ENO4: variants seen among roughly 807,000 people sequenced by gnomAD.
The protein encoded by ENO4 is enolase 4.
In ENO4, 53 loss-of-function variants were observed where a neutral mutation model predicts 63.2. That is an observed-to-expected ratio of 0.84 (90% CI 0.67 to 1.05). The LOEUF (loss-of-function observed/expected upper bound fraction) is 1.05. Among genes scored for constraint, ENO4 ranks in the 50% least tolerant of loss-of-function variants. The pLI, the probability that ENO4 is intolerant of heterozygous loss-of-function variation, is 0.00. For synonymous variants in ENO4, 266 were observed against 283.8 expected (o/e 0.94, Z 0.63); for missense variants, 719 against 772.0 (o/e 0.93, Z 0.81).
chr10:116,874,924 T>G (rs903561739), intron 10 of ENO4, among the ~76,000 whole-genome samples: 1 of 152,124 alleles, frequency 6.6e-6, no homozygotes, highest in African/African-American at 2.4e-5. Context: ...TCCGCCCACC[T>G]TGGCCTCCCA....
intron 10 of ENO4, among the ~76,000 whole-genome samples, chr10:116,893,971 T>G (rs1395914103): frequency 1.3e-5 from 2 of 152,222 alleles, no homozygotes; most frequent in Non-Finnish European, 2.9e-5. Flanking sequence ...ACTTTCCTAT[T>G]TCATTTTTCT....
At chr10:116,874,987 T>C (rs1329812119) in intron 10 of ENO4, among the ~76,000 whole-genome samples, 1 of 152,146 alleles carries the variant, frequency 6.6e-6, no homozygotes, top group African/African-American at 2.4e-5. Flanking sequence ...AAAGCCATAT[T>C]TTTAAAGGGT....
intron 10 of ENO4, among the ~76,000 whole-genome samples, chr10:116,904,967 C>T (rs985622977): frequency 2.0e-5 from 3 of 150,856 alleles, no homozygotes; most frequent in Admixed American, 6.6e-5. Flanking sequence ...TTTGGGAGGC[C>T]GAGGCGGGTG....
chr10:116,876,036 T>G (rs1164638264), intron 10 of ENO4, 29 bp from the exon 11 acceptor site: 5 of 1,460,748 alleles, frequency 3.4e-6, no homozygotes, highest in Non-Finnish European at 4.6e-6. Flanking sequence ...CAATGCATTA[T>G]AATGATCAAC....
At chr10:116,888,448 G>C (rs1245644123) in intron 10 of ENO4, among the ~76,000 whole-genome samples, 1 of 152,210 alleles carries the variant, frequency 6.6e-6, no homozygotes, top group Non-Finnish European at 1.5e-5. Context: ...TAAATCTGCT[G>C]CTTCTGCGTC....
downstream of ENO4, chr10:116,885,483 G>C (rs967266418): frequency 6.6e-6 from 1 of 152,110 alleles, no homozygotes; most frequent in Non-Finnish European, 1.5e-5. Context: ...GTGTAATATA[G>C]AACAGCAGTG....
intron 11 of ENO4, among the ~76,000 whole-genome samples, chr10:116,876,609 A>G (rs1486572854): frequency 3.3e-5 from 5 of 152,244 alleles, no homozygotes; most frequent in Non-Finnish European, 7.3e-5. Flanking sequence ...CAGCACATTT[A>G]TCAATTTGCT....
chr10:116,907,163 G>T (rs896857835), intron 10 of ENO4, among the ~76,000 whole-genome samples: 2 of 152,124 alleles, frequency 1.3e-5, no homozygotes, highest in Admixed American at 6.5e-5. Flanking sequence ...AAGTCACAGC[G>T]GCACTGAAAA....
rs1292648059 is a variant in ENO4, at chr10:116,876,123, C to T, written c.1400C>T (p.Ala467Val). ...CTTGGTTCCAGGTGTTACATAATTG[C>T]AGGAACTGCTTCCAAAAGCATTTCT... The part of the protein sequence containing the change: ...HALGSRCYII[A>V]GTASKSISKL... Residue 467 changes from alanine (A) to valine (V), a missense_variant, in exon 11 of 14, where the codon GCA (alanine) becomes GTA (valine). Physicochemically the swap from Ala to Val is moderately conservative, Grantham distance 64. This residue lies in a region of ENO4 where 544 missense variants were observed against 583.6 expected (regional missense o/e 0.93). Coordinates refer to ENST00000341276, the MANE Select transcript of ENO4 (RefSeq NM_001242699.2). 4 of 1,550,756 alleles carry T rather than the reference C, an allele frequency of 2.6e-6. No individual in the cohort carries two copies. The highest frequency in any genetic ancestry group is 2.4e-5 in the East Asian group (1 of 40,928).
In ENO4 at chr10:116,849,499, G is replaced by A; in HGVS notation, c.-68G>A. On this transcript the variant is annotated 5_prime_UTR_variant, in exon 1 of 14. Transcript: ENST00000341276. ...CTGGGGGTCGGGATCACGTTGCGTT[G>A]CCTAGCGACAGCAGGGACGCTCGTG... is the stretch of plus-strand genomic sequence containing the variant. The A allele has an allele frequency of 7.0e-7, 1 of 1,431,366 alleles. No homozygotes were observed. Among genetic ancestry groups the A allele is most frequent in the South Asian group, 1.6e-5 (1 of 64,086 alleles). 88.7% of individuals were successfully genotyped at this position (1,431,366 alleles called of 1,614,324 possible).
chr10:116,872,107 G>T (rs1204333733), intron 9 of ENO4, among the ~76,000 whole-genome samples: 4 of 152,154 alleles, frequency 2.6e-5, no homozygotes, highest in Non-Finnish European at 1.5e-5. Flanking sequence ...TGAGGCAAAA[G>T]AATCGCTTGA....
intron 10 of ENO4, among the ~76,000 whole-genome samples, chr10:116,904,438 T>C (rs1390894030): frequency 7.3e-6 from 1 of 137,308 alleles, no homozygotes; most frequent in Non-Finnish European, 1.6e-5. Context: ...GTTTCCTTCC[T>C]TTTTTTTTTT....
At chr10:116,880,025 G>A (rs1417995605) in intron 13 of ENO4, 39 bp downstream of exon 13, 1 of 1,434,254 alleles carries the variant, frequency 7.0e-7, no homozygotes, top group Non-Finnish European at 9.6e-7. Flanking sequence ...ACTTAGCCAT[G>A]AATAAGAGAA....
chr10:116,901,967 A>G, intron 10 of ENO4: 2 of 1,578,758 alleles, frequency 1.3e-6, no homozygotes, highest in Non-Finnish European at 1.7e-6. Context: ...CCTTAAAACC[A>G]AACACATACC....
intron 8 of ENO4, among the ~76,000 whole-genome samples, chr10:116,869,412 G>A (rs964419509): frequency 1.2e-4 from 18 of 152,286 alleles, no homozygotes; most frequent in South Asian, 6.2e-4. Flanking sequence ...GTTTGTGAGC[G>A]AACAATCTTT....
chr10:116,884,248 C>T, downstream of ENO4: 1 of 458,804 alleles, frequency 2.2e-6, no homozygotes, highest in Non-Finnish European at 4.4e-6. Context: ...GGATCCCTTG[C>T]TTTGGTTGAC....
At chr10:116,906,672 T>C (rs1450408570) in intron 10 of ENO4, 2 of 1,613,526 alleles carry the variant, frequency 1.2e-6, no homozygotes, top group African/African-American at 1.3e-5. Flanking sequence ...CGCAAAATCC[T>C]TTCTAACTCA....
intron 9 of ENO4, chr10:116,873,817 G>T (rs1181957417): frequency 2.1e-6 from 2 of 970,412 alleles, no homozygotes; most frequent in Middle Eastern, 5.2e-4. Flanking sequence ...AATTCTTGGT[G>T]TTTTGTGTAG....
chr10:116,911,011 C>T (rs932386116), intron 10 of ENO4, among the ~76,000 whole-genome samples: 1 of 152,218 alleles, frequency 6.6e-6, no homozygotes, highest in African/African-American at 2.4e-5. Flanking sequence ...ACAGCAACAA[C>T]AAACATGGGA....
Sources: allele counts gnomAD v4.1 joint callset (sites outside exome capture counted in the v4.1 genomes callset), GRCh38; gene constraint gnomAD v4.1.1; regional missense constraint gnomAD v4.1.1; transcripts MANE v1.5; gene names NCBI Gene and HGNC (gene_info 2026-07-23, HGNC 2026-07-21).